The following MAF variants were observed in gnomAD, a reference collection of about 807,000 sequenced individuals.
MAF encodes the protein MAF bZIP transcription factor, also known as transcription factor Maf.
Under a neutral mutation model 22.0 loss-of-function variants are expected in MAF, and 10 were observed. The observed-to-expected ratio is 0.45, with a 90% CI of 0.28 to 0.77. The LOEUF is 0.77. Among genes scored for constraint, MAF ranks in the 30% least tolerant of loss-of-function variants. The pLI is 0.12. For synonymous variants in MAF, 337 were observed against 255.8 expected, an observed-to-expected ratio of 1.32 and a Z score of -3.03; for missense variants, 544 against 548.4, an observed-to-expected ratio of 0.99 and a Z score of 0.08.
chr16:79,239,613 C>A, the MAF span, among the ~76,000 whole-genome samples: 1 of 152,042 alleles, frequency 6.6e-6, no homozygotes, highest in Non-Finnish European at 1.5e-5. Flanking sequence ...CTAGTCCGAA[C>A]CCCTAGATGC....
the MAF span, among the ~76,000 whole-genome samples, chr16:79,383,945 G>T: frequency 6.6e-6 from 1 of 152,122 alleles, no homozygotes. Context: ...AAAAAGTCCT[G>T]CCTGAAAAGC....
At chr16:79,572,875 A>C in the MAF span, among the ~76,000 whole-genome samples, 1,218 of 152,354 alleles carry the variant, frequency 8.0e-3, 17 homozygotes, top group African/African-American at 0.028. Context: ...AAAAGGTGTT[A>C]TGTCTGTGAA....
chr16:79,358,855 C>T, the MAF span, among the ~76,000 whole-genome samples: 3 of 152,186 alleles, frequency 2.0e-5, no homozygotes, highest in Non-Finnish European at 2.9e-5. Context: ...GGTAGGCCAA[C>T]AGGATGCTGC....
chr16:79,391,416 A>T, the MAF span, among the ~76,000 whole-genome samples: 1 of 152,208 alleles, frequency 6.6e-6, no homozygotes, highest in African/African-American at 2.4e-5. Flanking sequence ...ATAGGAGGGA[A>T]GCAATTGACT....
the MAF span, among the ~76,000 whole-genome samples, chr16:79,503,500 T>A: frequency 3.9e-5 from 6 of 152,226 alleles, no homozygotes; most frequent in African/African-American, 1.4e-4. Context: ...AAATCTCTTC[T>A]CTTTTCTTTG....
chr16:79,577,917 C>A, the MAF span, among the ~76,000 whole-genome samples: 392 of 152,224 alleles, frequency 2.6e-3, 2 homozygotes, highest in African/African-American at 9.2e-3. Flanking sequence ...GTGACCTTTG[C>A]AGAAACTGAG....
the MAF span, among the ~76,000 whole-genome samples, chr16:79,483,533 G>A: frequency 2.0e-5 from 3 of 151,822 alleles, no homozygotes; most frequent in Non-Finnish European, 4.4e-5. Flanking sequence ...AGAGGTGCAC[G>A]GAATTAGAAG....
the MAF span, among the ~76,000 whole-genome samples, chr16:79,441,947 G>A: frequency 1.3e-5 from 2 of 152,188 alleles, no homozygotes; most frequent in Non-Finnish European, 2.9e-5. Flanking sequence ...ACACAGAGAG[G>A]CACAGAGCAA....
chr16:79,555,968 G>T, the MAF span, among the ~76,000 whole-genome samples: 5 of 152,148 alleles, frequency 3.3e-5, no homozygotes, highest in Non-Finnish European at 5.9e-5. Context: ...AAATCACTAG[G>T]AAGTGATGAT....
At chr16:79,202,644 C>G in the MAF span, 1 of 152,186 alleles carries the variant, frequency 6.6e-6, no homozygotes, top group African/African-American at 2.4e-5. Context: ...TCTTTAATTT[C>G]TATTCAGCTT....
At chr16:79,538,861 AAAAGAAAAGAAAAGAAAG>A in the MAF span, among the ~76,000 whole-genome samples, 24 of 33,728 alleles carry the variant, frequency 7.1e-4, no homozygotes, top group African/African-American at 1.1e-3. Context: ...AAAAGAAAAG[AAAAGAAAAGAAAAGAAAG>A]AAAGAAAGAA....
the MAF span, among the ~76,000 whole-genome samples, chr16:79,461,165 C>T: frequency 3.4e-4 from 51 of 152,214 alleles, no homozygotes; most frequent in Non-Finnish European, 7.1e-4. Flanking sequence ...TGTTGAATGT[C>T]ATTCATCACT....
the MAF span, among the ~76,000 whole-genome samples, chr16:79,464,780 AC>A: frequency 2.6e-5 from 4 of 152,190 alleles, no homozygotes; most frequent in African/African-American, 4.8e-5. Context: ...CACGTCCCTG[AC>A]CCTGATTCCA....
chr16:79,331,455 T>C, the MAF span, among the ~76,000 whole-genome samples: 1 of 152,208 alleles, frequency 6.6e-6, no homozygotes, highest in Non-Finnish European at 1.5e-5. Context: ...TCTACTAACT[T>C]TGAAGTTTGC....
At chr16:79,308,196 C>T in the MAF span, among the ~76,000 whole-genome samples, 1 of 152,214 alleles carries the variant, frequency 6.6e-6, no homozygotes, top group Admixed American at 6.5e-5. Context: ...CTGAATTGAC[C>T]CAACACGGGT....
chr16:79,508,896 G>C, the MAF span, among the ~76,000 whole-genome samples: 2 of 152,284 alleles, frequency 1.3e-5, no homozygotes, highest in East Asian at 1.9e-4. Flanking sequence ...ATGGGTATGA[G>C]GCTTCCTTTG....
the MAF span, among the ~76,000 whole-genome samples, chr16:79,479,504 C>G: frequency 6.6e-6 from 1 of 152,150 alleles, no homozygotes; most frequent in Non-Finnish European, 1.5e-5. Context: ...TTTGTCAGGG[C>G]GGGGCCATCA....
At chr16:79,406,715 G>C in the MAF span, among the ~76,000 whole-genome samples, 3 of 152,200 alleles carry the variant, frequency 2.0e-5, no homozygotes, top group African/African-American at 7.2e-5. Flanking sequence ...TCAGATCTGA[G>C]ATTTGACTCT....
chr16:79,574,509 C>T, the MAF span, among the ~76,000 whole-genome samples: 5 of 152,180 alleles, frequency 3.3e-5, no homozygotes, highest in Non-Finnish European at 7.3e-5. Flanking sequence ...ATCGTCTATG[C>T]ATCTCTCTTA....
Sources: allele counts gnomAD v4.1 joint callset (sites outside exome capture counted in the v4.1 genomes callset), GRCh38; gene constraint gnomAD v4.1.1; transcripts MANE v1.5; gene names NCBI Gene and HGNC (gene_info 2026-07-23, HGNC 2026-07-21).